MYO15A: variants seen among roughly 807,000 people sequenced by gnomAD.
The protein encoded by MYO15A is unconventional myosin-XV.
A neutral mutation model predicts 394.6 loss-of-function variants in MYO15A; 308 were observed. The ratio of observed to expected loss-of-function variants is 0.78; its 90% CI spans 0.71 to 0.86. The LOEUF is 0.86. Ranked by LOEUF, MYO15A falls within the 40% of genes least tolerant of loss-of-function variation. The probability of loss-of-function intolerance (pLI) is 0.00; values close to 1 mark genes in which losing one functional copy is unlikely to be tolerated. For synonymous variants in MYO15A, 1,957 were observed against 2,003.8 expected (o/e 0.98, Z 0.62); for missense variants, 4,606 against 4,799.1 (o/e 0.96, Z 1.19).
intron 1 of MYO15A, chr17:18,109,284 G>T (rs763481242): frequency 6.6e-6 from 1 of 152,550 alleles, no homozygotes; most frequent in Non-Finnish European, 1.5e-5. Context: ...AATGAGGCCA[G>T]AGGCTGGGGG....
intron 24 of MYO15A, 135 bp from the exon 25 acceptor site, chr17:18,142,621 C>A: frequency 1.3e-6 from 1 of 772,398 alleles, no homozygotes; most frequent in South Asian, 1.5e-5. Flanking sequence ...CTCCAGTTTC[C>A]CTTTGAGCCA....
chr17:18,135,888 G>C, intron 13 of MYO15A, 64 bp downstream of exon 13: 2 of 1,465,658 alleles, frequency 1.4e-6, no homozygotes, highest in South Asian at 2.4e-5. Flanking sequence ...AGAGCTGCTT[G>C]TGCCGATCCT....
rs727503317 is a variant in MYO15A, at chr17:18,151,965, G to A, written c.7893+14G>A. The A allele has an allele frequency of 1.9e-6, 3 of 1,553,360 alleles. No homozygotes were observed. In the African/African-American group the frequency reaches 4.1e-5, roughly 21 times the overall value. Reference sequence around the variant, plus strand: ...CCTGGCACCCAGGTGAGGGGGGAAGGTGGGGCTGAGCCCAGGTGGAACAGA... The same window carrying A: ...CCTGGCACCCAGGTGAGGGGGGAAGATGGGGCTGAGCCCAGGTGGAACAGA... On this transcript the variant is annotated intron_variant, in intron 41 of 65. Coordinates refer to ENST00000647165, the MANE Select transcript of MYO15A (RefSeq NM_016239.4).
chr17:18,173,640 C>T lies in MYO15A; in HGVS notation c.10351-141C>T, dbSNP rs2046972935. The T allele has an allele frequency of 4.5e-6, 5 of 1,120,844 alleles. No individual in the cohort carries two copies. In the African/African-American group the frequency reaches 7.7e-5, roughly 17 times the overall value. 69.4% of individuals were successfully genotyped at this position (1,120,844 alleles called of 1,614,324 possible). On this transcript the variant is annotated intron_variant, in intron 64 of 65. Transcript: ENST00000647165. ...AGAGGTAAAGTGATTTGCTCAAGGTCACGCAAGTCACTGGGGAACTGGTAC... is the reference window on the plus strand; with the variant it reads ...AGAGGTAAAGTGATTTGCTCAAGGTTACGCAAGTCACTGGGGAACTGGTAC...
intron 50 of MYO15A, 88 bp downstream of exon 50, chr17:18,157,318 T>G (rs1181533182): frequency 6.6e-7 from 1 of 1,524,490 alleles, no homozygotes; most frequent in African/African-American, 1.4e-5. Flanking sequence ...GGTTTCTTGG[T>G]GCCCGAAAGT....
chr17:18,121,896 A>T lies in MYO15A; in HGVS notation c.3096A>T (p.Pro1032=). 1 of 1,612,526 alleles carries T rather than the reference A, an allele frequency of 6.2e-7. No individual in the cohort carries two copies. Among genetic ancestry groups the T allele is most frequent in the Non-Finnish European group, 8.5e-7 (1 of 1,179,888 alleles). Reference sequence around the variant, plus strand: ...CAGCAGAGACCAAGCCTCCAACCCCAGCACCTCCCAAGGATGTCACTCCCC... The same window carrying T: ...CAGCAGAGACCAAGCCTCCAACCCCTGCACCTCCCAAGGATGTCACTCCCC... The part of the protein sequence containing the change: ...QLPAETKPPT[P]APPKDVTPPK... Residue 1032 remains proline (P), a synonymous_variant, in exon 2 of 66, where the codon CCA becomes CCT. Transcript: ENST00000647165. The surrounding 1 kb of genome is among the most constrained non-coding windows in gnomAD (Gnocchi z 5.3).
At chr17:18,116,630 G>A (rs747998583) in intron 1 of MYO15A, among the ~76,000 whole-genome samples, 14 of 152,322 alleles carry the variant, frequency 9.2e-5, no homozygotes, top group Non-Finnish European at 2.1e-4. Context: ...GGCTCAGAAA[G>A]AATGTCTCGG....
Position 18,163,231 on chromosome 17 carries a change from C to G in MYO15A, c.9613-13C>G. 1.9e-6 allele frequency: 3 copies of G among 1,613,870 alleles called. No individual in the cohort carries two copies. Among genetic ancestry groups the G allele is most frequent in the Non-Finnish European group, 2.5e-6 (3 of 1,179,714 alleles). Reference sequence around the variant, plus strand: ...ACCCAACCTGTCATCCCTCTCCCACCTATCTACCCCAGGCAGGCCGCAGTT... The same window carrying G: ...ACCCAACCTGTCATCCCTCTCCCACGTATCTACCCCAGGCAGGCCGCAGTT... On this transcript the variant is annotated splice_polypyrimidine_tract_variant and intron_variant, in intron 58 of 65. Transcript: ENST00000647165.
chr17:18,166,234 A>C, intron 60 of MYO15A, 127 bp from the exon 61 acceptor site: 1 of 1,154,716 alleles, frequency 8.7e-7, no homozygotes, highest in African/African-American at 1.5e-5. Flanking sequence ...CAGAACAGGC[A>C]GGTGGCTTGT....
Position 18,132,303 on chromosome 17 carries a change from TG to T in MYO15A, c.4207-147del. 1.5e-6 allele frequency: 1 copy of T among 667,768 alleles called. No individual in the cohort carries two copies. The highest frequency in any genetic ancestry group is 2.7e-6 in the Non-Finnish European group (1 of 369,028). 41.4% of individuals were successfully genotyped at this position (667,768 alleles called of 1,614,324 possible). On this transcript the variant is annotated intron_variant, in intron 10 of 65. Transcript: ENST00000647165. This position sits in a 1 kb window ranked among gnomAD's most constrained non-coding sequence, Gnocchi z 4.6. ...CCCTCACCCGCAGCTGGCACCAGGC[TG>T]GGAGCCTCACCCATCACAGAGGCGC...
At chr17:18,168,790 A>G (rs1210665779) in intron 62 of MYO15A, among the ~76,000 whole-genome samples, 3 of 151,610 alleles carry the variant, frequency 2.0e-5, no homozygotes, top group Admixed American at 6.6e-5. Flanking sequence ...TGGTCTCAAG[A>G]CCTTTTTACA....
At chr17:18,169,854 A>C (rs991521427) in intron 62 of MYO15A, among the ~76,000 whole-genome samples, 1 of 151,774 alleles carries the variant, frequency 6.6e-6, no homozygotes, top group Non-Finnish European at 1.5e-5. Flanking sequence ...AGTCCCAGTA[A>C]CTGGAGAAGC....
chr17:18,138,729 C>T lies in MYO15A; in HGVS notation c.5008-82C>T, dbSNP rs2046324506. 1.9e-6 allele frequency: 3 copies of T among 1,557,180 alleles called. No individual in the cohort carries two copies. In the South Asian group the frequency reaches 3.5e-5, roughly 18 times the overall value. ...TCTCTGGTGCTCAGTTGGGAGCAGT[C>T]GGGGATAGTGAGGTTGCCACCAGGC... is the stretch of plus-strand genomic sequence containing the variant. On this transcript the variant is annotated intron_variant, in intron 17 of 65. Coordinates refer to ENST00000647165, the MANE Select transcript of MYO15A (RefSeq NM_016239.4).
intron 25 of MYO15A, among the ~76,000 whole-genome samples, chr17:18,143,184 A>T (rs1166913394): frequency 1.3e-5 from 2 of 152,192 alleles, no homozygotes; most frequent in Non-Finnish European, 2.9e-5. Context: ...CATGCAAACT[A>T]GCCACCAGAA....
chr17:18,146,675 A>G (rs540265911), intron 30 of MYO15A, among the ~76,000 whole-genome samples: 11 of 152,368 alleles, frequency 7.2e-5, no homozygotes, highest in Middle Eastern at 3.4e-3. Flanking sequence ...CTGTAATCCC[A>G]GCACTTTGGG....
chr17:18,135,239 C>T (rs2046242352), intron 12 of MYO15A, among the ~76,000 whole-genome samples: 1 of 152,142 alleles, frequency 6.6e-6, no homozygotes, highest in Non-Finnish European at 1.5e-5. Flanking sequence ...GGTGCGATCT[C>T]AGCTCACTGC....
chr17:18,125,039 C>A (rs1567628905), intron 3 of MYO15A, 129 bp from the exon 4 acceptor site: 2 of 868,312 alleles, frequency 2.3e-6, no homozygotes, highest in Non-Finnish European at 4.0e-6. Flanking sequence ...GGTCTCCTAG[C>A]TGGTTGGTGT....
rs1237897214 is a variant in MYO15A at position 18,147,299 on chromosome 17, C to G, written c.6510-730C>G. On this transcript the variant is annotated intron_variant, in intron 30 of 65. Transcript: ENST00000647165. The surrounding 1 kb of genome is among the most constrained non-coding windows in gnomAD (Gnocchi z 4.4). Reference sequence around the variant, plus strand: ...CCAGCATGCAGCAAATGGACATCACCTGGCCAGTCTTGTGACTCTGTGGCA... The same window carrying G: ...CCAGCATGCAGCAAATGGACATCACGTGGCCAGTCTTGTGACTCTGTGGCA... Among the ~76,000 whole-genome samples, 1 of 152,218 alleles carries G rather than the reference C, an allele frequency of 6.6e-6. No individual in the cohort carries two copies. Among genetic ancestry groups the G allele is most frequent in the Non-Finnish European group, 1.5e-5 (1 of 68,046 alleles).
Position 18,119,478 on chromosome 17 carries a change from T to C in MYO15A, c.678T>C (p.Leu226=). Residue 226 remains leucine (L), a synonymous_variant, in exon 2 of 66, where the codon CTT becomes CTC. Coordinates refer to ENST00000647165, the MANE Select transcript of MYO15A (RefSeq NM_016239.4). ...HSGSRKSLYG[L]EGFQDLGEYY... is the part of the protein sequence containing the mutation. ...GCTCCCGCAAGTCGCTGTACGGGCTTGAGGGCTTCCAGGACCTGGGCGAGT... is the reference window on the plus strand; with the variant it reads ...GCTCCCGCAAGTCGCTGTACGGGCTCGAGGGCTTCCAGGACCTGGGCGAGT... 1 of 1,612,670 alleles carries C rather than the reference T, an allele frequency of 6.2e-7. No homozygotes were observed. The highest frequency in any genetic ancestry group is 8.5e-7 in the Non-Finnish European group (1 of 1,179,970).
Sources: allele counts gnomAD v4.1 joint callset (sites outside exome capture counted in the v4.1 genomes callset), GRCh38; gene constraint gnomAD v4.1.1; non-coding constraint Gnocchi (gnomAD v3.1); transcripts MANE v1.5; gene names NCBI Gene and HGNC (gene_info 2026-07-23, HGNC 2026-07-21).